The following NRP2 variants were observed in gnomAD, a reference collection of about 807,000 sequenced individuals.
NRP2 encodes the protein neuropilin 2.
NRP2 carries 52 observed loss-of-function variants against 110.4 expected under a neutral mutation model. That is an observed-to-expected ratio of 0.47 (90% CI 0.38 to 0.59). NRP2 has a LOEUF of 0.59. Ranked by LOEUF, NRP2 falls within the 20% of genes least tolerant of loss-of-function variation. The pLI, the probability that NRP2 is intolerant of heterozygous loss-of-function variation, is 0.00. For synonymous variants in NRP2, 508 were observed against 468.9 expected (o/e 1.08, Z -1.08); for missense variants, 1,049 against 1,203.0 (o/e 0.87, Z 1.89).
chr2:205,707,240 G>A (rs1309609959), intron 2 of NRP2, among the ~76,000 whole-genome samples: 3 of 152,248 alleles, frequency 2.0e-5, no homozygotes, highest in Non-Finnish European at 2.9e-5. Context: ...TGCCTGTGCA[G>A]CATGATGCTT....
intron 3 of NRP2, among the ~76,000 whole-genome samples, chr2:205,719,689 C>A (rs1288220754): frequency 6.6e-6 from 1 of 152,156 alleles, no homozygotes; most frequent in African/African-American, 2.4e-5. Flanking sequence ...CCTACTGCCT[C>A]CACTTCCTGA....
intron 1 of NRP2, 58 bp from the exon 2 acceptor site, chr2:205,697,486 G>A: frequency 3.4e-6 from 5 of 1,468,970 alleles, no homozygotes; most frequent in East Asian, 2.3e-5. Context: ...GAGGGAGTGT[G>A]GGGGGAAGAA....
intron 2 of NRP2, among the ~76,000 whole-genome samples, chr2:205,714,678 T>TG (rs143201800): frequency 2.0e-5 from 3 of 152,218 alleles, no homozygotes; most frequent in Middle Eastern, 3.2e-3. Flanking sequence ...CATTTCTCCC[T>TG]GGGGGTTGAA....
rs1575694700 is a variant in NRP2, at chr2:205,797,299, C to T, written c.*2241C>T. On this transcript the variant is annotated 3_prime_UTR_variant, in exon 17 of 17. Coordinates refer to ENST00000357785, the MANE Select transcript of NRP2 (RefSeq NM_003872.3). ...TTTTCCTCTTCACCCTCCCATGATG[C>T]GCAGTGTTCAGAAAGCTGGTAAGTC... 2 of 152,554 alleles carry T rather than the reference C, an allele frequency of 1.3e-5. No individual in the cohort carries two copies. Among genetic ancestry groups the T allele is most frequent in the South Asian group, 4.1e-4 (2 of 4,826 alleles). 9.5% of individuals were successfully genotyped at this position (152,554 alleles called of 1,614,324 possible).
chr2:205,687,047 A>G (rs1290668063), intron 1 of NRP2, among the ~76,000 whole-genome samples: 1 of 152,186 alleles, frequency 6.6e-6, no homozygotes, highest in East Asian at 1.9e-4. Context: ...TGGGGCCAAA[A>G]GAACCCAGAC....
Position 205,763,922 on chromosome 2 carries a change from G to A in NRP2, c.2293G>A (p.Asp765Asn), listed in dbSNP as rs552306916. 73 of 1,614,076 alleles carry A rather than the reference G, an allele frequency of 4.5e-5. 2 individuals are homozygous for A. In the South Asian group the frequency reaches 7.0e-4, roughly 16 times the overall value. ...CGGGCGGATCATCCTGCCCAGCTACGACATGGAGTACCAGGTGGGGTGAGC... is the reference window on the plus strand; with the variant it reads ...CGGGCGGATCATCCTGCCCAGCTACAACATGGAGTACCAGGTGGGGTGAGC... ...KHGRIILPSYDMEYQIVFEGV... is the reference protein window; with the variant it reads ...KHGRIILPSYNMEYQIVFEGV... Residue 765 changes from aspartate (D) to asparagine (N), a missense_variant, in exon 13 of 17, where the codon GAC becomes AAC. Transcript: ENST00000357785. The surrounding 1 kb of genome is among the most constrained non-coding windows in gnomAD (Gnocchi z 4.0).
At chr2:205,775,417 T>C (rs565339613) in intron 15 of NRP2, among the ~76,000 whole-genome samples, 32 of 152,306 alleles carry the variant, frequency 2.1e-4, no homozygotes, top group African/African-American at 7.7e-4. Flanking sequence ...CCCTGCTCTG[T>C]CTTTTCTGTC....
intron 11 of NRP2, among the ~76,000 whole-genome samples, chr2:205,752,071 T>C (rs2057655685): frequency 1.3e-5 from 2 of 152,166 alleles, no homozygotes; most frequent in Admixed American, 6.5e-5. Flanking sequence ...CACCACTGTG[T>C]CATTAGTTCC....
At chr2:205,750,892 A>G (rs1289928933) in intron 11 of NRP2, among the ~76,000 whole-genome samples, 1 of 152,166 alleles carries the variant, frequency 6.6e-6, no homozygotes, top group Non-Finnish European at 1.5e-5. Context: ...ACAAAGAAGA[A>G]TGGGAGGAAA....
chr2:205,791,098 C>T (rs2058296309), intron 15 of NRP2, among the ~76,000 whole-genome samples: 1 of 152,192 alleles, frequency 6.6e-6, no homozygotes, highest in Non-Finnish European at 1.5e-5. Context: ...ATGCTCAGTT[C>T]AGATCATGGT....
Position 205,795,001 on chromosome 2 carries a change from C to T in NRP2, c.2724C>T (p.Tyr908=), listed in dbSNP as rs7583537. 1.9e-5 allele frequency: 31 copies of T among 1,614,056 alleles called. No individual in the cohort carries two copies. The highest frequency in any genetic ancestry group is 1.1e-4 in the East Asian group (5 of 44,888). ...TGGAGAACTACAACTTCGAGCTCTA[C>T]GATGGCCTTAAGCACAAGGTCAAGA... ...TTLENYNFEL[Y]DGLKHKVKMN... Residue 908 remains tyrosine (Y), a synonymous_variant, in exon 17 of 17, where the codon TAC becomes TAT. Transcript: ENST00000357785.
rs2058358583 is a variant in NRP2, at chr2:205,797,187, A to T, written c.*2129A>T. On this transcript the variant is annotated 3_prime_UTR_variant, in exon 17 of 17. Transcript: ENST00000357785. The stretch of plus-strand genomic sequence containing the variant: ...ATTGGCACAGTGGTAGTTAGAGGTG[A>T]AAAGTAGAGCTGTCAAGCCCAAGGG... 1 of 152,562 alleles carries T rather than the reference A, an allele frequency of 6.6e-6. No homozygotes were observed. Among genetic ancestry groups the T allele is most frequent in the Non-Finnish European group, 1.5e-5 (1 of 68,044 alleles). The allele number at this position is 152,562 out of a possible 1,614,324, so 9.5% of individuals were successfully genotyped here.
Position 205,697,737 on chromosome 2 carries a change from T to G in NRP2, c.251+16T>G. ...ACGACTGCAAGTAAGCACCGTCCTG[T>G]CCCACTGTGTATCCCATCCATGAGA... On this transcript the variant is annotated intron_variant, in intron 2 of 16. Coordinates refer to ENST00000357785, the MANE Select transcript of NRP2 (RefSeq NM_003872.3). 2.5e-6 allele frequency: 4 copies of G among 1,613,290 alleles called. No individual in the cohort carries two copies. Among genetic ancestry groups the G allele is most frequent in the Non-Finnish European group, 3.4e-6 (4 of 1,179,440 alleles).
chr2:205,752,955 C>G lies in NRP2; in HGVS notation c.2024C>G (p.Pro675Arg), dbSNP rs777295213. ...LRTTWASSSS[P>R]NDRTFPDDRN... Reference sequence around the variant, plus strand: ...ACCACCTGGGCCAGCAGCTCCAGCCCAAACGACCGGACGTTTCCAGGTAAG... The same window carrying G: ...ACCACCTGGGCCAGCAGCTCCAGCCGAAACGACCGGACGTTTCCAGGTAAG... Residue 675 changes from proline to arginine, a missense_variant, in exon 12 of 17, where the codon CCA (proline) becomes CGA (arginine). Physicochemically the swap from Pro to Arg is moderately radical, Grantham distance 103. Coordinates refer to ENST00000357785, the MANE Select transcript of NRP2 (RefSeq NM_003872.3). The G allele has an allele frequency of 6.2e-7, 1 of 1,613,818 alleles. No homozygotes were observed. Among genetic ancestry groups the G allele is most frequent in the East Asian group, 2.2e-5 (1 of 44,882 alleles).
intron 2 of NRP2, among the ~76,000 whole-genome samples, chr2:205,713,102 T>G (rs912189985): frequency 2.6e-5 from 4 of 152,286 alleles, no homozygotes; most frequent in South Asian, 2.1e-4. Context: ...GAGGCAAGCT[T>G]GTAACAGTGG....
At position 205,710,829 on chromosome 2, in the gene NRP2, T is replaced by C. The variant is rs370638904; in HGVS notation, c.252-5364T>C. Among the ~76,000 whole-genome samples, 11 of 152,326 alleles carry C rather than the reference T, an allele frequency of 7.2e-5. No homozygotes were observed. The South Asian group carries it at 1.2e-3, about 17-fold the overall frequency. ...TTTGAGCCTCCTGGAAGAAAGGCAC[T>C]CCAGGAGGTGATAAATTCTCTGGCC... On this transcript the variant is annotated intron_variant, in intron 2 of 16. Coordinates refer to ENST00000357785, the MANE Select transcript of NRP2 (RefSeq NM_003872.3).
chr2:205,697,848 GC>G, intron 2 of NRP2, 127 bp downstream of exon 2: 1 of 965,294 alleles, frequency 1.0e-6, no homozygotes, highest in Non-Finnish European at 1.7e-6. Flanking sequence ...GTGGATCCTG[GC>G]CCCAGAGGAA....
chr2:205,722,143 TCC>T (rs1172888534), intron 3 of NRP2: 3 of 310,740 alleles, frequency 9.7e-6, no homozygotes, highest in Admixed American at 4.7e-5. Flanking sequence ...TTCAAGAGAA[TCC>T]CTCTCTCTCT....
intron 12 of NRP2, among the ~76,000 whole-genome samples, chr2:205,759,344 A>G (rs963970659): frequency 1.3e-5 from 2 of 152,232 alleles, no homozygotes; most frequent in African/African-American, 4.8e-5. Context: ...GGAAAACTTT[A>G]AACTGAATTT....
Sources: gnomAD v4.1 joint callset for allele counts (sites outside exome capture counted in the v4.1 genomes callset) on GRCh38, gnomAD v4.1.1 for gene constraint, Gnocchi (gnomAD v3.1) non-coding constraint, MANE v1.5 for transcripts, NCBI Gene and HGNC (gene_info 2026-07-23, HGNC 2026-07-21) for gene names.